The following RHBDD1 variants were observed in gnomAD, a reference collection of about 807,000 sequenced individuals.
RHBDD1 encodes the protein rhomboid domain containing 1.
A neutral mutation model predicts 36.3 loss-of-function variants in RHBDD1; 38 were observed. The ratio of observed to expected loss-of-function variants is 1.05; its 90% CI spans 0.81 to 1.37. The LOEUF (loss-of-function observed/expected upper bound fraction) is 1.37, where lower values mean the gene tolerates loss of function less well. Ranked by LOEUF, RHBDD1 falls within the 40% of genes most tolerant of loss-of-function variation. The probability of loss-of-function intolerance (pLI) is 0.00; values close to 1 mark genes in which losing one functional copy is unlikely to be tolerated. For synonymous variants in RHBDD1, 151 were observed against 136.5 expected, an observed-to-expected ratio of 1.11 and a Z score of -0.74; for missense variants, 393 against 377.6, an observed-to-expected ratio of 1.04 and a Z score of -0.34.
intron 8 of RHBDD1, among the ~76,000 whole-genome samples, chr2:226,951,328 A>G (rs939246724): frequency 1.4e-4 from 22 of 152,188 alleles, no homozygotes; most frequent in African/African-American, 5.3e-4. Context: ...ACAATAACAT[A>G]ATAATACTAT....
chr2:226,859,796 T>C (rs944912370), intron 3 of RHBDD1, among the ~76,000 whole-genome samples: 6 of 152,152 alleles, frequency 3.9e-5, no homozygotes, highest in African/African-American at 1.4e-4. Flanking sequence ...TTTGGACTTA[T>C]TCTTGCTGTG....
intron 6 of RHBDD1, 74 bp downstream of exon 6, chr2:226,906,955 C>A: frequency 6.8e-7 from 1 of 1,471,646 alleles, no homozygotes; most frequent in Non-Finnish European, 9.5e-7. Flanking sequence ...CAGAAGCAAC[C>A]CCAAGTTTCC....
At chr2:226,846,875 G>T (rs1574770951) in intron 3 of RHBDD1, among the ~76,000 whole-genome samples, 1 of 151,960 alleles carries the variant, frequency 6.6e-6, no homozygotes. Context: ...ATATATGTAA[G>T]TAAATGTGGC....
chr2:226,811,285 T>C, the RHBDD1 span, among the ~76,000 whole-genome samples: 1 of 151,858 alleles, frequency 6.6e-6, no homozygotes, highest in Non-Finnish European at 1.5e-5. Context: ...GGGAAAGAGA[T>C]GATCCTAAAA....
rs118056259 is a variant in RHBDD1, at chr2:226,864,076, G to C, written c.-90-528G>C. On this transcript the variant is annotated intron_variant, in intron 3 of 8. Coordinates refer to ENST00000392062, the MANE Select transcript of RHBDD1 (RefSeq NM_001167608.3). The stretch of plus-strand genomic sequence containing the variant: ...ACGAAAAGCTGAAGTTGTTATGAAA[G>C]TAGAGTTCAGACCACTGATATCTGG... 1.6e-3 allele frequency among the ~76,000 whole-genome samples: 249 copies of C among 152,270 alleles called. 3 individuals are homozygous for C. The East Asian group carries it at 0.039, about 24-fold the overall frequency.
intron 8 of RHBDD1, among the ~76,000 whole-genome samples, chr2:226,977,643 C>T (rs1485795147): frequency 6.6e-6 from 1 of 152,138 alleles, no homozygotes; most frequent in Non-Finnish European, 1.5e-5. Context: ...TAGTTGTCAT[C>T]CGAGGTAAAT....
At chr2:226,842,724 C>T (rs952224362) in intron 3 of RHBDD1, among the ~76,000 whole-genome samples, 2 of 152,152 alleles carry the variant, frequency 1.3e-5, no homozygotes, top group African/African-American at 4.8e-5. Flanking sequence ...TAGTGTGATG[C>T]CTCCAACTTT....
At chr2:226,910,918 A>G (rs937019071) in intron 7 of RHBDD1, among the ~76,000 whole-genome samples, 1 of 152,060 alleles carries the variant, frequency 6.6e-6, no homozygotes, top group African/African-American at 2.4e-5. Context: ...GTTTAGCCAC[A>G]CTGGTCTTTC....
chr2:226,908,634 T>C lies in RHBDD1; in HGVS notation c.656-188T>C. 5.4e-6 allele frequency: 3 copies of C among 557,780 alleles called. No homozygotes were observed. In the South Asian group the frequency reaches 6.6e-5, roughly 12 times the overall value. The allele number at this position is 557,780 out of a possible 1,614,324, so 34.6% of individuals were successfully genotyped here. A position where few individuals can be genotyped will look rare whatever the true frequency, so the allele number is the denominator to read the frequency against. ...ACACACACACACATTCTTTTCCCTGTAGGGACACACACACACTCTTTTCCA... is the reference window on the plus strand; with the variant it reads ...ACACACACACACATTCTTTTCCCTGCAGGGACACACACACACTCTTTTCCA... On this transcript the variant is annotated intron_variant, in intron 6 of 8. Transcript: ENST00000392062.
At position 226,942,760 on chromosome 2, in the gene RHBDD1, G is replaced by A. The variant is rs1175091170; in HGVS notation, c.856+28409G>A. On this transcript the variant is annotated intron_variant, in intron 8 of 8. Transcript: ENST00000392062. ...TAAATATTAGTGACATTTGAATTAA[G>A]GATATTTGCATTGTTAATTTAAATA... Among the ~76,000 whole-genome samples, 3 of 151,962 alleles carry A rather than the reference G, an allele frequency of 2.0e-5. No homozygotes were observed. The East Asian group carries it at 5.8e-4, about 29-fold the overall frequency.
intron 5 of RHBDD1, among the ~76,000 whole-genome samples, chr2:226,872,327 A>G (rs1394692037): frequency 6.6e-6 from 1 of 152,232 alleles, no homozygotes; most frequent in East Asian, 1.9e-4. Context: ...TATAATATTA[A>G]TTCCCTGACA....
chr2:226,958,353 T>C (rs1247906282), intron 8 of RHBDD1, among the ~76,000 whole-genome samples: 5 of 152,146 alleles, frequency 3.3e-5, no homozygotes, highest in Admixed American at 6.5e-5. Flanking sequence ...AGTGCATTGG[T>C]GGAGCCAAGG....
chr2:226,979,915 C>A (rs1180894620), intron 8 of RHBDD1, among the ~76,000 whole-genome samples: 1 of 152,172 alleles, frequency 6.6e-6, no homozygotes, highest in South Asian at 2.1e-4. Flanking sequence ...AGATAGAGAA[C>A]AATGGACAAA....
intron 8 of RHBDD1, among the ~76,000 whole-genome samples, chr2:226,922,865 TAAAC>T (rs752271319): frequency 7.2e-5 from 11 of 152,212 alleles, no homozygotes; most frequent in South Asian, 4.2e-4. Context: ...ACTGATTGCA[TAAAC>T]AAACAAGCAA....
At chr2:226,985,240 A>G (rs1040409340) in intron 8 of RHBDD1, among the ~76,000 whole-genome samples, 1 of 152,186 alleles carries the variant, frequency 6.6e-6, no homozygotes, top group East Asian at 1.9e-4. Context: ...ATCTACATTC[A>G]TATCCATATC....
At chr2:226,942,244 T>TA (rs1235199107) in intron 8 of RHBDD1, among the ~76,000 whole-genome samples, 2 of 151,034 alleles carry the variant, frequency 1.3e-5, no homozygotes, top group African/African-American at 2.4e-5. Context: ...TGATCATCTT[T>TA]TTTTTTTTTT....
At chr2:226,919,431 C>G (rs1274999501) in intron 8 of RHBDD1, among the ~76,000 whole-genome samples, 3 of 152,004 alleles carry the variant, frequency 2.0e-5, no homozygotes, top group Non-Finnish European at 4.4e-5. Flanking sequence ...CCAACATTTT[C>G]TTTTAGTAGA....
At chr2:226,824,153 T>G in the RHBDD1 span, among the ~76,000 whole-genome samples, 1 of 152,138 alleles carries the variant, frequency 6.6e-6, no homozygotes, top group African/African-American at 2.4e-5. Flanking sequence ...CATAAACATT[T>G]TATATATACT....
chr2:226,995,701 C>T lies in RHBDD1; in HGVS notation c.*179C>T, dbSNP rs972318697. The T allele has an allele frequency of 1.0e-5, 6 of 601,150 alleles. No individual in the cohort carries two copies. Among genetic ancestry groups the T allele is most frequent in the Middle Eastern group, 4.0e-4 (1 of 2,482 alleles). 37.2% of individuals were successfully genotyped at this position (601,150 alleles called of 1,614,324 possible). A position where few individuals can be genotyped will look rare whatever the true frequency, so the allele number is the denominator to read the frequency against. ...CCCCTATGAGTCAACTCACAGCTTG[C>T]GGGGAGTGGGCCTTCTCCTGGCCTT... On this transcript the variant is annotated 3_prime_UTR_variant, in exon 9 of 9. Coordinates refer to ENST00000392062, the MANE Select transcript of RHBDD1 (RefSeq NM_001167608.3).
Sources: gnomAD v4.1 joint callset for allele counts (sites outside exome capture counted in the v4.1 genomes callset) on GRCh38, gnomAD v4.1.1 for gene constraint, MANE v1.5 for transcripts, NCBI Gene and HGNC (gene_info 2026-07-23, HGNC 2026-07-21) for gene names.